The following SGCD variants were observed in gnomAD, a reference collection of about 807,000 sequenced individuals.
SGCD encodes the protein delta-sarcoglycan.
A neutral mutation model predicts 36.6 loss-of-function variants in SGCD; 18 were observed. The ratio of observed to expected loss-of-function variants is 0.49; its 90% CI spans 0.34 to 0.73. SGCD has a LOEUF of 0.73. Among genes scored for constraint, SGCD ranks in the 30% least tolerant of loss-of-function variants. SGCD has a pLI of 0.01. For synonymous variants in SGCD, 133 were observed against 130.6 expected (o/e 1.02, Z -0.12); for missense variants, 387 against 346.7 (o/e 1.12, Z -0.92).
At chr5:155,883,943 T>G (rs1048983360) in intron 1 of SGCD, among the ~76,000 whole-genome samples, 3 of 152,152 alleles carry the variant, frequency 2.0e-5, no homozygotes, top group African/African-American at 7.2e-5. Context: ...TTGGCAGAAC[T>G]GGGACTAAAT....
At chr5:156,362,983 G>A (rs1769890132) in intron 3 of SGCD, among the ~76,000 whole-genome samples, 1 of 151,904 alleles carries the variant, frequency 6.6e-6, no homozygotes, top group Non-Finnish European at 1.5e-5. Flanking sequence ...TGTCTTTGCA[G>A]CTTTCCCTAA....
the SGCD span, among the ~76,000 whole-genome samples, chr5:155,830,392 G>T: frequency 6.6e-6 from 1 of 152,134 alleles, no homozygotes. Flanking sequence ...AGGGACACAT[G>T]CTTATGACCT....
chr5:156,428,161 G>A lies in SGCD; in HGVS notation c.193-80440G>A, dbSNP rs59170095. On this transcript the variant is annotated intron_variant, in intron 3 of 8. Coordinates refer to ENST00000337851, the MANE Select transcript of SGCD (RefSeq NM_000337.6). Reference sequence around the variant, plus strand: ...TAGAATTCTGCTGTGAATTCATCTGGTCCTGGACTTTTTTTGTTGGTAGGT... The same window carrying A: ...TAGAATTCTGCTGTGAATTCATCTGATCCTGGACTTTTTTTGTTGGTAGGT... Among the ~76,000 whole-genome samples the A allele has an allele frequency of 9.9e-4, 151 of 152,068 alleles. 1 individual carries two copies. Among genetic ancestry groups the A allele is most frequent in the African/African-American group, 3.4e-3 (143 of 41,474 alleles).
At chr5:156,055,328 G>C (rs1420504822) in intron 1 of SGCD, among the ~76,000 whole-genome samples, 1 of 145,750 alleles carries the variant, frequency 6.9e-6, no homozygotes, top group Non-Finnish European at 1.5e-5. Flanking sequence ...CATCTATGCG[G>C]GTCACTTCTA....
chr5:156,359,407 T>C (rs1171446770), intron 3 of SGCD, among the ~76,000 whole-genome samples: 1 of 152,188 alleles, frequency 6.6e-6, no homozygotes, highest in Non-Finnish European at 1.5e-5. Flanking sequence ...GCACTTAACA[T>C]AGAACATATT....
At chr5:156,091,239 T>A (rs968663096) in intron 1 of SGCD, among the ~76,000 whole-genome samples, 2 of 152,232 alleles carry the variant, frequency 1.3e-5, no homozygotes, top group Non-Finnish European at 2.9e-5. Flanking sequence ...ATAAAAGTTT[T>A]AATTTTGGGA....
the SGCD span, among the ~76,000 whole-genome samples, chr5:155,842,246 G>GTTTTT: frequency 7.7e-6 from 1 of 129,054 alleles, no homozygotes; most frequent in African/African-American, 2.9e-5. Context: ...CATTTGAGGT[G>GTTTTT]TTTTTTTTTT....
chr5:156,163,498 G>C (rs924606397), intron 3 of SGCD, among the ~76,000 whole-genome samples: 1 of 151,638 alleles, frequency 6.6e-6, no homozygotes, highest in African/African-American at 2.4e-5. Flanking sequence ...TGTGCTTACT[G>C]TGCTTTCTCC....
chr5:156,179,412 T>A (rs1238428768), intron 3 of SGCD, among the ~76,000 whole-genome samples: 1 of 152,140 alleles, frequency 6.6e-6, no homozygotes, highest in African/African-American at 2.4e-5. Context: ...TTTGTATTAT[T>A]AAAAAATGTT....
chr5:155,899,783 G>A (rs368552597), intron 1 of SGCD, among the ~76,000 whole-genome samples: 5 of 152,062 alleles, frequency 3.3e-5, no homozygotes, highest in Non-Finnish European at 4.4e-5. Context: ...TAAATGGTAC[G>A]CAGAAGACTA....
intron 3 of SGCD, among the ~76,000 whole-genome samples, chr5:156,245,555 A>G (rs1402810689): frequency 6.6e-6 from 1 of 152,192 alleles, no homozygotes; most frequent in Non-Finnish European, 1.5e-5. Flanking sequence ...GAGGCATCCA[A>G]GTATTATATA....
chr5:156,198,673 A>G (rs1376197856), intron 3 of SGCD, among the ~76,000 whole-genome samples: 3 of 152,090 alleles, frequency 2.0e-5, no homozygotes, highest in African/African-American at 7.2e-5. Flanking sequence ...ATTAAATTGA[A>G]TGCTACAGAA....
At position 156,055,371 on chromosome 5, in the gene SGCD, A is replaced by G. The variant is rs1280610302; in HGVS notation, c.-281-62507A>G. On this transcript the variant is annotated intron_variant, in intron 1 of 9. Transcript: ENST00000517913. ...TCTCTTCCAAAGAACATCAGAGAAAACTAGAAACATGTTTATTAAAGTCCC... is the reference window on the plus strand; with the variant it reads ...TCTCTTCCAAAGAACATCAGAGAAAGCTAGAAACATGTTTATTAAAGTCCC... Among the ~76,000 whole-genome samples the G allele has an allele frequency of 2.1e-5, 3 of 146,218 alleles. No individual in the cohort carries two copies. The East Asian group carries it at 5.8e-4, about 28-fold the overall frequency.
chr5:156,022,754 CTTTTCTT>C (rs71800847), intron 1 of SGCD, among the ~76,000 whole-genome samples: 3,092 of 152,068 alleles, frequency 0.02, 110 homozygotes, highest in African/African-American at 0.07. Context: ...GTCATTTTGC[CTTTTCTT>C]TTTTCTTTTC....
At chr5:156,291,518 A>T (rs1561603731) in intron 3 of SGCD, among the ~76,000 whole-genome samples, 1 of 152,170 alleles carries the variant, frequency 6.6e-6, no homozygotes, top group Non-Finnish European at 1.5e-5. Flanking sequence ...GTTAGTCTAG[A>T]AAAACAAAAA....
intron 2 of SGCD, among the ~76,000 whole-genome samples, chr5:156,122,115 T>C (rs1762056879): frequency 6.6e-6 from 1 of 152,162 alleles, no homozygotes; most frequent in African/African-American, 2.4e-5. Context: ...TCAAAAATAC[T>C]GGAGATGGAA....
intron 1 of SGCD, among the ~76,000 whole-genome samples, chr5:155,942,329 T>C (rs1334038914): frequency 6.8e-6 from 1 of 147,286 alleles, no homozygotes. Context: ...TATGTATGTA[T>C]GTATGTATCT....
rs1465166919 is a variant in SGCD, at chr5:156,286,643, G to A, written c.-43-42891G>A. On this transcript the variant is annotated intron_variant, in intron 3 of 9. Transcript: ENST00000517913. ...GAACAATGAGAACACATGGACACAGGAAGGGGAACATCACACACTGGGGCC... is the reference window on the plus strand; with the variant it reads ...GAACAATGAGAACACATGGACACAGAAAGGGGAACATCACACACTGGGGCC... 3.3e-5 allele frequency among the ~76,000 whole-genome samples: 5 copies of A among 152,222 alleles called. No homozygotes were observed. In the East Asian group the frequency reaches 7.7e-4, roughly 24 times the overall value.
At chr5:156,113,708 A>G (rs776361209) in intron 1 of SGCD, among the ~76,000 whole-genome samples, 3 of 152,202 alleles carry the variant, frequency 2.0e-5, no homozygotes, top group Admixed American at 1.3e-4. Context: ...AAACCTGCAC[A>G]TGGATGTTTG....
Sources: gnomAD v4.1 joint callset for allele counts (sites outside exome capture counted in the v4.1 genomes callset) on GRCh38, gnomAD v4.1.1 for gene constraint, MANE v1.5 for transcripts, NCBI Gene and HGNC (gene_info 2026-07-23, HGNC 2026-07-21) for gene names.